The following REC114 variants were observed in gnomAD, a reference collection of about 807,000 sequenced individuals.
REC114 encodes meiotic recombination protein REC114.
A neutral mutation model predicts 31.3 loss-of-function variants in REC114; 27 were observed. That is an observed-to-expected ratio of 0.86 (90% CI 0.64 to 1.19). The LOEUF (loss-of-function observed/expected upper bound fraction) is 1.19, where lower values mean the gene tolerates loss of function less well. REC114 is among the 50% of genes most tolerant of loss of function. The pLI is 0.00. For missense variants in REC114, 344 were observed against 326.9 expected (o/e 1.05, Z -0.40); for synonymous variants, 134 against 127.7 (o/e 1.05, Z -0.33).
At chr15:73,506,067 T>C (rs1893672030) in intron 2 of REC114, among the ~76,000 whole-genome samples, 1 of 152,100 alleles carries the variant, frequency 6.6e-6, no homozygotes, top group Admixed American at 6.5e-5. Context: ...TAAACAAATG[T>C]TTTCATATTG....
At chr15:73,557,226 C>T (rs983340572) in intron 5 of REC114, among the ~76,000 whole-genome samples, 2 of 151,538 alleles carry the variant, frequency 1.3e-5, no homozygotes, top group African/African-American at 2.4e-5. Context: ...TGTGCCACCA[C>T]GCCCAGCTAA....
chr15:73,511,456 T>G (rs1893768315), intron 2 of REC114, among the ~76,000 whole-genome samples: 1 of 152,198 alleles, frequency 6.6e-6, no homozygotes, highest in Non-Finnish European at 1.5e-5. Context: ...AGTTCTGCTC[T>G]GATTTTAGTT....
chr15:73,533,646 A>G (rs1213788772), intron 2 of REC114, among the ~76,000 whole-genome samples: 7 of 148,048 alleles, frequency 4.7e-5, no homozygotes, highest in Non-Finnish European at 6.0e-5. Flanking sequence ...AAAGTCAACA[A>G]GGATACCCAG....
At chr15:73,448,449 A>G (rs1892798696) in intron 1 of REC114, among the ~76,000 whole-genome samples, 1 of 152,102 alleles carries the variant, frequency 6.6e-6, no homozygotes, top group Non-Finnish European at 1.5e-5. Context: ...GCCTCTCTAG[A>G]TTCCTCCTCT....
At chr15:73,519,126 G>A (rs1567885689) in intron 2 of REC114, among the ~76,000 whole-genome samples, 1 of 152,170 alleles carries the variant, frequency 6.6e-6, no homozygotes, top group East Asian at 1.9e-4. Flanking sequence ...GAATGTTTGT[G>A]TCCCCCTAAA....
intron 2 of REC114, among the ~76,000 whole-genome samples, chr15:73,508,476 G>A (rs527984445): frequency 2.2e-4 from 33 of 148,938 alleles, no homozygotes; most frequent in African/African-American, 5.4e-4. Flanking sequence ...TAAGTTTTAG[G>A]GTATATGTGC....
intron 1 of REC114, among the ~76,000 whole-genome samples, chr15:73,447,601 T>C (rs1469790954): frequency 1.3e-5 from 2 of 151,810 alleles, no homozygotes; most frequent in East Asian, 1.9e-4. Context: ...TGAGCCAAGA[T>C]TGTGCCACTG....
chr15:73,499,401 A>G (rs1893573725), intron 2 of REC114, among the ~76,000 whole-genome samples: 1 of 152,064 alleles, frequency 6.6e-6, no homozygotes, highest in African/African-American at 2.4e-5. Context: ...CTGTCTAATT[A>G]GTCTTTTGTG....
At chr15:73,538,058 CA>C in intron 2 of REC114, among the ~76,000 whole-genome samples, 1 of 152,240 alleles carries the variant, frequency 6.6e-6, no homozygotes, top group Non-Finnish European at 1.5e-5. Flanking sequence ...GGCTGTGGAG[CA>C]CTTGAAATGT....
chr15:73,495,533 CT>C (rs1162131685), intron 2 of REC114, among the ~76,000 whole-genome samples: 10 of 146,498 alleles, frequency 6.8e-5, no homozygotes, highest in Non-Finnish European at 1.1e-4. Context: ...AGCAAGAGAA[CT>C]TTTTTTTTGC....
chr15:73,554,017 A>G (rs1233293051), intron 4 of REC114, among the ~76,000 whole-genome samples: 1 of 152,222 alleles, frequency 6.6e-6, no homozygotes, highest in Non-Finnish European at 1.5e-5. Flanking sequence ...CCTGGCAAAT[A>G]TAATCACAAA....
intron 5 of REC114, among the ~76,000 whole-genome samples, chr15:73,557,990 TTTAATAGGATA>T (rs1297302749): frequency 1.3e-5 from 2 of 152,220 alleles, no homozygotes; most frequent in Non-Finnish European, 2.9e-5. Context: ...TAAATGTTCA[TTTAATAGGATA>T]TTAAGTGAGG....
At position 73,559,933 on chromosome 15, in the gene REC114, A is replaced by ATAAC. The variant is rs546004842; in HGVS notation, c.*21_*24dup. ...AGAAATTAATGCTCTATATACATAT[A>ATAAC]TAACTAAGGAACTTCAAAGTATTGA... is the stretch of plus-strand genomic sequence containing the variant. On this transcript the variant is annotated 3_prime_UTR_variant, in exon 6 of 6. Coordinates refer to ENST00000331090, the MANE Select transcript of REC114 (RefSeq NM_001042367.2). 2.0e-4 allele frequency: 306 copies of ATAAC among 1,561,590 alleles called. 1 individual carries two copies. In the African/African-American group the frequency reaches 3.8e-3, roughly 19 times the overall value.
At chr15:73,482,071 CTG>C (rs1352762549) in intron 2 of REC114, among the ~76,000 whole-genome samples, 1 of 152,192 alleles carries the variant, frequency 6.6e-6, no homozygotes, top group Non-Finnish European at 1.5e-5. Context: ...AACGAAAACT[CTG>C]TACCCATTAA....
chr15:73,463,102 T>C (rs1893012854), intron 1 of REC114, among the ~76,000 whole-genome samples: 1 of 152,164 alleles, frequency 6.6e-6, no homozygotes, highest in Admixed American at 6.5e-5. Context: ...TTATCAGTGT[T>C]CAAATTTCAA....
At chr15:73,481,886 C>G (rs919205213) in intron 2 of REC114, among the ~76,000 whole-genome samples, 2 of 151,934 alleles carry the variant, frequency 1.3e-5, no homozygotes, top group South Asian at 4.2e-4. Flanking sequence ...GTCTCAAACT[C>G]CTGAGCTTGT....
chr15:73,536,283 C>G (rs35357265), intron 2 of REC114, among the ~76,000 whole-genome samples: 13 of 152,200 alleles, frequency 8.5e-5, no homozygotes, highest in Non-Finnish European at 1.9e-4. Flanking sequence ...TTATGACAGA[C>G]TCTCATCAAT....
chr15:73,515,085 A>G (rs1893839428), intron 2 of REC114, among the ~76,000 whole-genome samples: 2 of 152,014 alleles, frequency 1.3e-5, no homozygotes, highest in Non-Finnish European at 1.5e-5. Flanking sequence ...GACTATAGGC[A>G]TGCACCACAA....
chr15:73,552,132 G>T (rs1894401893), intron 4 of REC114, among the ~76,000 whole-genome samples: 1 of 152,176 alleles, frequency 6.6e-6, no homozygotes, highest in Admixed American at 6.5e-5. Flanking sequence ...AGTATAACAA[G>T]TTTATTGCCA....
Sources: gnomAD v4.1 joint callset for allele counts (sites outside exome capture counted in the v4.1 genomes callset) on GRCh38, gnomAD v4.1.1 for gene constraint, MANE v1.5 for transcripts, NCBI Gene and HGNC (gene_info 2026-07-23, HGNC 2026-07-21) for gene names.